Variants in SPTBN1 observed in about 807,000 individuals in gnomAD.
SPTBN1 encodes spectrin beta, non-erythrocytic 1.
Under a neutral mutation model 266.4 loss-of-function variants are expected in SPTBN1, and 32 were observed. The observed-to-expected ratio is 0.12, with a 90% CI of 0.09 to 0.16. The LOEUF is 0.16. SPTBN1 is among the 10% of genes least tolerant of loss of function. The pLI is 1.00. For synonymous variants in SPTBN1, 1,336 were observed against 1,162.2 expected (o/e 1.15, Z -3.04); for missense variants, 2,296 against 3,067.1 (o/e 0.75, Z 5.94).
chr2:54,600,143 G>T (rs999577066), intron 3 of SPTBN1, among the ~76,000 whole-genome samples: 4 of 152,198 alleles, frequency 2.6e-5, no homozygotes, highest in African/African-American at 7.2e-5. Flanking sequence ...CTTGCCAGCC[G>T]CAGTAGGCCT....
In SPTBN1 at chr2:54,668,650, C is replaced by G. The variant is rs1419892642; in HGVS notation, c.*81C>G. On this transcript the variant is annotated 3_prime_UTR_variant, in exon 36 of 36. Coordinates refer to ENST00000356805, the MANE Select transcript of SPTBN1 (RefSeq NM_003128.3). ...GCAAGCTCAGAACCAACACATTACTCTCTGTGCCTAATGTTCCTCAATGTG... is the reference window on the plus strand; with the variant it reads ...GCAAGCTCAGAACCAACACATTACTGTCTGTGCCTAATGTTCCTCAATGTG... The G allele has an allele frequency of 5.2e-6, 7 of 1,349,338 alleles. No individual in the cohort carries two copies. The highest frequency in any genetic ancestry group is 7.2e-6 in the Non-Finnish European group (7 of 973,690). 83.6% of individuals were successfully genotyped at this position (1,349,338 alleles called of 1,614,324 possible). A position where few individuals can be genotyped will look rare whatever the true frequency, so the allele number is the denominator to read the frequency against.
intron 5 of SPTBN1, 126 bp from the exon 6 acceptor site, chr2:54,617,482 T>G (rs1196617573): frequency 2.8e-6 from 2 of 726,954 alleles, no homozygotes; most frequent in African/African-American, 3.6e-5. Flanking sequence ...TTGATTGTCC[T>G]TAGTGATATT....
At chr2:54,504,712 C>G (rs1156765582) in intron 1 of SPTBN1, among the ~76,000 whole-genome samples, 1 of 151,956 alleles carries the variant, frequency 6.6e-6, no homozygotes, top group East Asian at 1.9e-4. Context: ...GTCCTGGAAC[C>G]AATTGCCCAT....
rs1227512812 is a variant in SPTBN1 at position 54,642,502 on chromosome 2, C to T, written c.3859-481C>T. On this transcript the variant is annotated intron_variant, in intron 18 of 35. Coordinates refer to ENST00000356805, the MANE Select transcript of SPTBN1 (RefSeq NM_003128.3). ...TTTTGCATTCCCTTCGATGCACCCACAAAAAGGGGGAGGTAATAAATAAGT... is the reference window on the plus strand; with the variant it reads ...TTTTGCATTCCCTTCGATGCACCCATAAAAAGGGGGAGGTAATAAATAAGT... Among the ~76,000 whole-genome samples the T allele has an allele frequency of 5.1e-5, 7 of 138,042 alleles. No homozygotes were observed. In the South Asian group the frequency reaches 1.6e-3, roughly 32 times the overall value. The allele number at this position is 138,042 out of a possible 152,430, so 90.6% of individuals were successfully genotyped here. A position where few individuals can be genotyped will look rare whatever the true frequency, so the allele number is the denominator to read the frequency against.
intron 2 of SPTBN1, among the ~76,000 whole-genome samples, chr2:54,587,002 A>G (rs1228638305): frequency 6.6e-6 from 1 of 152,182 alleles, no homozygotes; most frequent in Non-Finnish European, 1.5e-5. Context: ...CCTGGAGTAG[A>G]TTGAAAACCA....
At chr2:54,518,270 C>T (rs1470210167) in intron 1 of SPTBN1, among the ~76,000 whole-genome samples, 1 of 151,030 alleles carries the variant, frequency 6.6e-6, no homozygotes, top group East Asian at 1.9e-4. Context: ...CACTTGGACA[C>T]AGGGCGGGGA....
intron 1 of SPTBN1, among the ~76,000 whole-genome samples, chr2:54,482,776 A>G (rs1668164641): frequency 6.6e-6 from 1 of 152,188 alleles, no homozygotes; most frequent in Admixed American, 6.5e-5. Flanking sequence ...GGTGTCAACA[A>G]AACATGGGAG....
At chr2:54,468,250 T>C (rs1056986014) in intron 1 of SPTBN1, among the ~76,000 whole-genome samples, 1 of 151,886 alleles carries the variant, frequency 6.6e-6, no homozygotes, top group Non-Finnish European at 1.5e-5. Flanking sequence ...GAGGTTGCAG[T>C]GAGCTGAGAC....
intron 14 of SPTBN1, 31 bp downstream of exon 14, chr2:54,629,834 G>C: frequency 1.2e-6 from 2 of 1,612,366 alleles, no homozygotes; most frequent in Non-Finnish European, 1.7e-6. Flanking sequence ...CCACTGGCCT[G>C]TTCCTTGTGA....
chr2:54,557,903 GGCC>G (rs1256341530), intron 2 of SPTBN1: 1 of 984,366 alleles, frequency 1.0e-6, no homozygotes, highest in African/African-American at 1.8e-5. Flanking sequence ...TGGCTCGCCG[GGCC>G]GCCGCCGCGT....
At chr2:54,560,314 G>A (rs1301431387) in intron 2 of SPTBN1, among the ~76,000 whole-genome samples, 2 of 151,980 alleles carry the variant, frequency 1.3e-5, no homozygotes, top group Non-Finnish European at 2.9e-5. Context: ...CCGCCTGGGG[G>A]AAAGCACCCA....
intron 2 of SPTBN1, among the ~76,000 whole-genome samples, chr2:54,588,198 T>A (rs1446917504): frequency 2.0e-5 from 3 of 152,190 alleles, no homozygotes; most frequent in Non-Finnish European, 4.4e-5. Context: ...CCCCTTCCTC[T>A]TCCTCCTCCT....
At chr2:54,612,516 C>G (rs1464427271) in intron 4 of SPTBN1, among the ~76,000 whole-genome samples, 182 bp downstream of exon 4, 1 of 152,198 alleles carries the variant, frequency 6.6e-6, no homozygotes, top group East Asian at 1.9e-4. Context: ...CACGTGGAAG[C>G]TACTACATCC....
chr2:54,655,183 C>T lies in SPTBN1; in HGVS notation c.5936C>T (p.Ala1979Val), dbSNP rs749497911. ...TCIELGKSLLARKHYASEEIK... is the reference protein window; with the variant it reads ...TCIELGKSLLVRKHYASEEIK... ...ATTGAACTTGGGAAATCCCTGTTGG[C>T]GAGAAAACACTATGCATCTGAGGAG... The change falls in exon 28 of 36, where the codon GCG (alanine) becomes GTG (valine). Residue 1979 changes from alanine (A) to valine (V), a missense_variant. Physicochemically the swap from Ala to Val is moderately conservative, Grantham distance 64 (BLOSUM62 0). Transcript: ENST00000356805. 1.6e-5 allele frequency: 26 copies of T among 1,613,930 alleles called. No individual in the cohort carries two copies. The highest frequency in any genetic ancestry group is 4.4e-5 in the South Asian group (4 of 91,058).
At chr2:54,651,191 C>T (rs1298143418) in intron 26 of SPTBN1, among the ~76,000 whole-genome samples, 2 of 152,172 alleles carry the variant, frequency 1.3e-5, no homozygotes, top group Non-Finnish European at 2.9e-5. Context: ...CCTCTAAAAT[C>T]ATTTACTTTT....
Position 54,472,740 on chromosome 2 carries a change from G to A in SPTBN1, c.-48+16222G>A, listed in dbSNP as rs1027787649. ...GCTGCCTGTGGGACTAATCTAAACA[G>A]CCAGTTAGTTTGGGTGCTCTGAATA... On this transcript the variant is annotated intron_variant, in intron 1 of 35. Coordinates refer to ENST00000356805, the MANE Select transcript of SPTBN1 (RefSeq NM_003128.3). Among the ~76,000 whole-genome samples, 9 of 152,196 alleles carry A rather than the reference G, an allele frequency of 5.9e-5. No individual in the cohort carries two copies. The East Asian group carries it at 1.7e-3, about 29-fold the overall frequency.
intron 2 of SPTBN1, among the ~76,000 whole-genome samples, chr2:54,541,612 G>A (rs988727221): frequency 4.6e-5 from 7 of 152,104 alleles, no homozygotes; most frequent in African/African-American, 7.2e-5. Context: ...ATTGACATAC[G>A]CAACACAATT....
intron 2 of SPTBN1, among the ~76,000 whole-genome samples, chr2:54,571,865 C>T (rs2104525767): frequency 6.6e-6 from 1 of 152,248 alleles, no homozygotes; most frequent in South Asian, 2.1e-4. Context: ...AGAAAAGAGC[C>T]ACTTAATAAA....
At chr2:54,596,012 TG>T (rs1676060680) in intron 2 of SPTBN1, among the ~76,000 whole-genome samples, 1 of 139,990 alleles carries the variant, frequency 7.1e-6, no homozygotes, top group Admixed American at 6.8e-5. Flanking sequence ...TGTACCTTTT[TG>T]TACCTTTTGT....
Sources: gnomAD v4.1 joint callset for allele counts (sites outside exome capture counted in the v4.1 genomes callset) on GRCh38, gnomAD v4.1.1 for gene constraint, MANE v1.5 for transcripts, NCBI Gene and HGNC (gene_info 2026-07-23, HGNC 2026-07-21) for gene names.